The following PCDHA1 variants were observed in gnomAD, a reference collection of about 807,000 sequenced individuals.
The protein encoded by PCDHA1 is protocadherin alpha 1.
A neutral mutation model predicts 61.3 loss-of-function variants in PCDHA1; 42 were observed. The ratio of observed to expected loss-of-function variants is 0.69; its 90% CI spans 0.54 to 0.89. The LOEUF is 0.89. Ranked by LOEUF, PCDHA1 falls within the 40% of genes least tolerant of loss-of-function variation. PCDHA1 has a pLI of 0.00. For missense variants in PCDHA1, 1,256 were observed against 1,235.3 expected (o/e 1.02, Z -0.25); for synonymous variants, 610 against 553.8 (o/e 1.10, Z -1.43).
chr5:140,868,979 C>T, intron 1 of PCDHA1: 6 of 1,485,290 alleles, frequency 4.0e-6, no homozygotes, highest in Non-Finnish European at 5.4e-6. Flanking sequence ...TCCATCATAC[C>T]GGATGCCACC....
rs2150169954 is a variant in PCDHA1 at position 140,829,555 on chromosome 5, G to T, written c.2394+40871G>T. 1.3e-5 allele frequency: 21 copies of T among 1,612,718 alleles called. 1 individual carries two copies. The highest frequency in any genetic ancestry group is 1.7e-5 in the Non-Finnish European group (20 of 1,179,842). ...GAGACGCGGACGCGCAGGAGAACGC[G>T]CTGGTGTCCTACTCGCTGGTGGAGC... On this transcript the variant is annotated intron_variant, in intron 1 of 3. Transcript: ENST00000504120.
chr5:140,827,592 C>T (rs1191123188), intron 1 of PCDHA1, among the ~76,000 whole-genome samples: 2 of 152,162 alleles, frequency 1.3e-5, no homozygotes, highest in African/African-American at 4.8e-5. Context: ...CTAGGAAAGA[C>T]AGATGTGGGC....
intron 3 of PCDHA1, among the ~76,000 whole-genome samples, chr5:140,983,911 G>A (rs546792762): frequency 6.6e-6 from 1 of 152,290 alleles, no homozygotes; most frequent in East Asian, 1.9e-4. Flanking sequence ...ATTCTAATCA[G>A]CCAGGATTTG....
chr5:140,920,801 G>A (rs1303863265), intron 1 of PCDHA1, among the ~76,000 whole-genome samples: 2 of 148,716 alleles, frequency 1.3e-5, no homozygotes, highest in Non-Finnish European at 3.0e-5. Context: ...CCAAGATCAC[G>A]CCACTGCACT....
intron 1 of PCDHA1, among the ~76,000 whole-genome samples, chr5:140,897,709 T>C (rs1471075981): frequency 6.6e-6 from 1 of 152,212 alleles, no homozygotes; most frequent in Non-Finnish European, 1.5e-5. Context: ...TACCCAGTAA[T>C]GGGATGGCTG....
At chr5:140,881,358 T>A in intron 1 of PCDHA1, 1 of 985,286 alleles carries the variant, frequency 1.0e-6, no homozygotes, top group Non-Finnish European at 1.2e-6. Flanking sequence ...AATGCGTGGC[T>A]TTCGTATGAA....
At chr5:140,816,107 T>C (rs1429188070) in intron 1 of PCDHA1, 1 of 152,208 alleles carries the variant, frequency 6.6e-6, no homozygotes, top group Non-Finnish European at 1.5e-5. Flanking sequence ...TTTTCTCTTA[T>C]GGCTTCTTCT....
intron 1 of PCDHA1, chr5:140,968,723 GGTA>G (rs1199893104): frequency 9.3e-6 from 15 of 1,613,990 alleles, no homozygotes; most frequent in Non-Finnish European, 1.3e-5. Context: ...AGATGAGAGT[GGTA>G]GCACTTTCAA....
intron 1 of PCDHA1, chr5:140,796,740 GA>G: frequency 6.2e-7 from 1 of 1,614,134 alleles, no homozygotes; most frequent in Admixed American, 1.7e-5. Context: ...ACGTGGTGGC[GA>G]AGGTGCGCGC....
At chr5:140,963,421 T>C (rs1554226598) in intron 1 of PCDHA1, among the ~76,000 whole-genome samples, 2 of 152,252 alleles carry the variant, frequency 1.3e-5, no homozygotes, top group African/African-American at 4.8e-5. Flanking sequence ...ACAGCATGTT[T>C]AGGAACTAAC....
chr5:140,895,665 A>G (rs782373926), intron 1 of PCDHA1, among the ~76,000 whole-genome samples: 1 of 152,114 alleles, frequency 6.6e-6, no homozygotes, highest in Non-Finnish European at 1.5e-5. Flanking sequence ...AAGTGAGAAC[A>G]TGTAGTATTT....
At position 140,787,578 on chromosome 5, in the gene PCDHA1, G is replaced by A. The variant is rs557029404; in HGVS notation, c.1288G>A (p.Gly430Arg). 9.3e-6 allele frequency: 15 copies of A among 1,614,180 alleles called. No homozygotes were observed. The highest frequency in any genetic ancestry group is 1.2e-5 in the Non-Finnish European group (14 of 1,180,046). Residue 430 changes from glycine (G) to arginine (R), a missense_variant, in exon 1 of 4, where the codon GGG becomes AGG. By Grantham distance (125) the Gly-to-Arg change is moderately radical (BLOSUM62 -2). Transcript: ENST00000504120. Reference protein sequence around the residue: ...VYELVVTARDGGSPSLWATAR... With the variant: ...VYELVVTARDRGSPSLWATAR... ...TGAGCTGGTGGTGACCGCGCGGGAC[G>A]GGGGCTCGCCTTCGCTGTGGGCCAC...
chr5:140,823,817 C>A, intron 1 of PCDHA1: 1 of 1,613,782 alleles, frequency 6.2e-7, no homozygotes. Context: ...TCATCGCGGG[C>A]GTCGGCGGGC....
At chr5:140,832,741 C>T (rs1477110560) in intron 1 of PCDHA1, among the ~76,000 whole-genome samples, 7 of 152,038 alleles carry the variant, frequency 4.6e-5, no homozygotes, top group African/African-American at 1.4e-4. Context: ...TACATAAATA[C>T]GATGATAGTA....
At chr5:140,998,585 A>C (rs1227951754) in intron 3 of PCDHA1, among the ~76,000 whole-genome samples, 1 of 148,644 alleles carries the variant, frequency 6.7e-6, no homozygotes, top group Non-Finnish European at 1.5e-5. Context: ...TTTTTTTGAG[A>C]CAGAGTTTTG....
intron 1 of PCDHA1, chr5:140,829,803 G>A: frequency 6.2e-7 from 1 of 1,613,884 alleles, no homozygotes; most frequent in Non-Finnish European, 8.5e-7. Flanking sequence ...CCTCGGGTGG[G>A]TGGTACTGGT....
At chr5:140,788,728 T>G in intron 1 of PCDHA1, 44 bp downstream of exon 1, 1 of 1,499,186 alleles carries the variant, frequency 6.7e-7, no homozygotes, top group Non-Finnish European at 8.9e-7. Context: ...TTTTTCATAT[T>G]TAACTTGTCT....
At chr5:140,929,484 T>G (rs1445028927) in intron 1 of PCDHA1, 9 of 1,156,262 alleles carry the variant, frequency 7.8e-6, no homozygotes, top group Non-Finnish European at 1.0e-5. Flanking sequence ...AGTATAGAAG[T>G]ATTAGAAGAT....
intron 1 of PCDHA1, among the ~76,000 whole-genome samples, chr5:140,844,934 G>A (rs1554140786): frequency 6.7e-6 from 1 of 149,226 alleles, no homozygotes; most frequent in Admixed American, 6.7e-5. Context: ...GGGAATGAAC[G>A]ATTTCTGGGA....
Sources: allele counts gnomAD v4.1 joint callset (sites outside exome capture counted in the v4.1 genomes callset), GRCh38; gene constraint gnomAD v4.1.1; transcripts MANE v1.5; gene names NCBI Gene and HGNC (gene_info 2026-07-23, HGNC 2026-07-21).